TBC1D2B: variants seen among roughly 807,000 people sequenced by gnomAD.
The protein encoded by TBC1D2B is TBC1 domain family, member 2B.
A neutral mutation model predicts 100.8 loss-of-function variants in TBC1D2B; 64 were observed. The observed-to-expected ratio is 0.64, with a 90% CI of 0.52 to 0.78. The LOEUF (loss-of-function observed/expected upper bound fraction) is 0.78. TBC1D2B is among the 30% of genes least tolerant of loss of function. TBC1D2B has a pLI of 0.00. For synonymous variants in TBC1D2B, 480 were observed against 479.7 expected (o/e 1.00, Z -0.01); for missense variants, 1,052 against 1,218.4 (o/e 0.86, Z 2.03).
chr15:78,017,590 T>C (rs2072410208), intron 7 of TBC1D2B, among the ~76,000 whole-genome samples: 1 of 152,248 alleles, frequency 6.6e-6, no homozygotes, highest in South Asian at 2.1e-4. Flanking sequence ...ACACATTTTC[T>C]GTAGCTTCTC....
At chr15:78,075,835 A>G (rs1290606514) in intron 1 of TBC1D2B, among the ~76,000 whole-genome samples, 1 of 152,036 alleles carries the variant, frequency 6.6e-6, no homozygotes, top group Non-Finnish European at 1.5e-5. Flanking sequence ...GCAAAGCTCT[A>G]AGAACATCTC....
Position 78,036,236 on chromosome 15 carries a change from G to T in TBC1D2B, c.684-6066C>A, listed in dbSNP as rs543813789. Among the ~76,000 whole-genome samples, 3 of 152,306 alleles carry T rather than the reference G, an allele frequency of 2.0e-5. No individual in the cohort carries two copies. In the East Asian group the frequency reaches 5.8e-4, roughly 29 times the overall value. ...AACTGTGTACCCCTCAGCAATGATTGATTTTTCTTTTTATACGCATGCACG... is the reference window on the plus strand; with the variant it reads ...AACTGTGTACCCCTCAGCAATGATTTATTTTTCTTTTTATACGCATGCACG... On this transcript the variant is annotated intron_variant, in intron 3 of 12. Coordinates refer to ENST00000300584, the MANE Select transcript of TBC1D2B (RefSeq NM_144572.2).
chr15:78,040,882 G>GAAAGA (rs1471917186), intron 3 of TBC1D2B, among the ~76,000 whole-genome samples: 1 of 130,070 alleles, frequency 7.7e-6, no homozygotes, highest in African/African-American at 3.0e-5. Flanking sequence ...AAGAAAGAAA[G>GAAAGA]AGAGAGAGAG....
intron 4 of TBC1D2B, among the ~76,000 whole-genome samples, chr15:78,025,926 C>T (rs1251980592): frequency 1.3e-5 from 2 of 151,770 alleles, no homozygotes; most frequent in Admixed American, 1.3e-4. Context: ...GCATTCACCA[C>T]CTTAAGAACT....
chr15:78,071,373 A>C (rs1177023507), intron 1 of TBC1D2B, among the ~76,000 whole-genome samples: 1 of 152,242 alleles, frequency 6.6e-6, no homozygotes, highest in African/African-American at 2.4e-5. Flanking sequence ...AAACACAGCT[A>C]TACTCATTCT....
intron 1 of TBC1D2B, among the ~76,000 whole-genome samples, chr15:78,070,833 T>C: frequency 6.6e-6 from 1 of 152,042 alleles, no homozygotes; most frequent in Non-Finnish European, 1.5e-5. Flanking sequence ...AGTTTGTTTT[T>C]TGTTTTGAGA....
At chr15:78,047,025 C>T (rs2073210441) in intron 2 of TBC1D2B, among the ~76,000 whole-genome samples, 1 of 152,186 alleles carries the variant, frequency 6.6e-6, no homozygotes. Flanking sequence ...CATGAGTAAA[C>T]AAGTGCTGTG....
Position 78,054,081 on chromosome 15 carries a change from G to A in TBC1D2B, c.467C>T (p.Pro156Leu). 1.9e-6 allele frequency: 3 copies of A among 1,613,782 alleles called. No individual in the cohort carries two copies. The highest frequency in any genetic ancestry group is 2.5e-6 in the Non-Finnish European group (3 of 1,179,804). The change falls in exon 2 of 13, where the codon CCA becomes CTA. Residue 156 changes from proline (P) to leucine (L), a missense_variant. Physicochemically the swap from Pro to Leu is moderately conservative, Grantham distance 98. Around this residue, in one of 4 missense-constraint regions of TBC1D2B, gnomAD observed 627 missense variants for 646.1 expected, o/e 0.97. Transcript: ENST00000300584. Reference protein sequence around the residue: ...DMVKWDSRTSPTPGDFPKGLV... With the variant: ...DMVKWDSRTSLTPGDFPKGLV... ...ACCCTTAGGAAAATCCCCGGGAGTT[G>A]GAGAGGTCCTGCTGTCCCACTTGAC...
intron 5 of TBC1D2B, among the ~76,000 whole-genome samples, 158 bp downstream of exon 5, chr15:78,025,101 G>A (rs1251231172): frequency 2.0e-5 from 3 of 152,182 alleles, no homozygotes; most frequent in Non-Finnish European, 4.4e-5. Flanking sequence ...GCTGTGCCTA[G>A]ATGACCGCCA....
At chr15:78,024,817 G>A (rs2072616194) in intron 5 of TBC1D2B, among the ~76,000 whole-genome samples, 1 of 152,164 alleles carries the variant, frequency 6.6e-6, no homozygotes, top group African/African-American at 2.4e-5. Context: ...AATGTCATGG[G>A]TATTAAAAAA....
chr15:78,013,555 A>G (rs951362824), intron 8 of TBC1D2B, among the ~76,000 whole-genome samples: 1 of 152,224 alleles, frequency 6.6e-6, no homozygotes, highest in Non-Finnish European at 1.5e-5. Context: ...GGGAAAAAAA[A>G]CAATCCCAAA....
At chr15:78,047,626 G>C (rs1178468874) in intron 2 of TBC1D2B, among the ~76,000 whole-genome samples, 1 of 152,110 alleles carries the variant, frequency 6.6e-6, no homozygotes, top group Non-Finnish European at 1.5e-5. Flanking sequence ...AGAGGTTCCA[G>C]TAAACAAAAG....
intron 12 of TBC1D2B, 90 bp from the exon 13 acceptor site, chr15:77,998,445 G>A: frequency 1.6e-6 from 2 of 1,285,548 alleles, no homozygotes; most frequent in Non-Finnish European, 2.1e-6. Flanking sequence ...GGTGGCCTGG[G>A]GCAGGGTGGG....
intron 5 of TBC1D2B, 54 bp downstream of exon 5, chr15:78,025,205 C>G: frequency 1.3e-6 from 2 of 1,512,774 alleles, no homozygotes; most frequent in South Asian, 2.3e-5. Flanking sequence ...CTTTACTCCT[C>G]CCGTCCTTGG....
chr15:78,007,023 G>T (rs1043222500), intron 10 of TBC1D2B, among the ~76,000 whole-genome samples: 1 of 152,254 alleles, frequency 6.6e-6, no homozygotes, highest in East Asian at 1.9e-4. Context: ...GCAGGGGCCC[G>T]TGCCTGCCTT....
At position 78,077,512 on chromosome 15, in the gene TBC1D2B, C is replaced by T. The variant is rs1461803778; in HGVS notation, c.141G>A (p.Lys47=). The T allele has an allele frequency of 2.0e-6, 3 of 1,529,396 alleles. No individual in the cohort carries two copies. The highest frequency in any genetic ancestry group is 2.6e-6 in the Non-Finnish European group (3 of 1,138,520). 94.7% of individuals were successfully genotyped at this position (1,529,396 alleles called of 1,614,324 possible). The change falls in exon 1 of 13, where the codon AAG becomes AAA. Residue 47 remains lysine (K), a synonymous_variant. Coordinates refer to ENST00000300584, the MANE Select transcript of TBC1D2B (RefSeq NM_144572.2). ...GGCTGCGGTAGCCACGCAGGGGGCC[C>T]TTGCCCGACAGCTTCTGCAGATAGC... ...LCGYLQKLSG[K]GPLRGYRSRW... is the part of the protein sequence containing the mutation.
intron 6 of TBC1D2B, 50 bp from the exon 7 acceptor site, chr15:78,018,007 TA>T (rs1288504885): frequency 6.9e-6 from 7 of 1,016,780 alleles, no homozygotes; most frequent in Non-Finnish European, 8.9e-6. Flanking sequence ...GAATATTGAC[TA>T]ATTAATTACC....
At chr15:78,009,542 T>TA (rs79836912) in intron 9 of TBC1D2B, among the ~76,000 whole-genome samples, 244 of 141,854 alleles carry the variant, frequency 1.7e-3, no homozygotes, top group East Asian at 1.8e-3. Flanking sequence ...CTTGTCTCAT[T>TA]AAAAAAAAAA....
At chr15:78,055,596 T>C (rs2073405299) in intron 1 of TBC1D2B, among the ~76,000 whole-genome samples, 1 of 152,096 alleles carries the variant, frequency 6.6e-6, no homozygotes, top group African/African-American at 2.4e-5. Context: ...TACTACTACC[T>C]CCAAGCAAAG....
Sources: gnomAD v4.1 joint callset for allele counts (sites outside exome capture counted in the v4.1 genomes callset) on GRCh38, gnomAD v4.1.1 for gene constraint, gnomAD v4.1.1 regional missense constraint, MANE v1.5 for transcripts, NCBI Gene and HGNC (gene_info 2026-07-23, HGNC 2026-07-21) for gene names.